Variants in PTPRT observed in about 807,000 individuals in gnomAD.
The protein encoded by PTPRT is receptor-type tyrosine-protein phosphatase T.
A neutral mutation model predicts 176.8 loss-of-function variants in PTPRT; 56 were observed. The observed-to-expected ratio is 0.32, with a 90% CI of 0.26 to 0.40. The LOEUF is 0.40. PTPRT is among the 10% of genes least tolerant of loss of function. The pLI is 1.00. For synonymous variants in PTPRT, 783 were observed against 739.0 expected (o/e 1.06, Z -0.96); for missense variants, 1,540 against 1,908.2 (o/e 0.81, Z 3.60).
rs751305260 is a variant in PTPRT, at chr20:42,305,594, T to C, written c.2139+10129A>G. 3.3e-5 allele frequency among the ~76,000 whole-genome samples: 5 copies of C among 151,832 alleles called. No homozygotes were observed. In the South Asian group the frequency reaches 1.0e-3, roughly 31 times the overall value. ...CCAATAACTGAATTGAGTATCAGTT[T>C]TAACATGTGTGTGCACGTGTGTGTG... is the stretch of plus-strand genomic sequence containing the variant. On this transcript the variant is annotated intron_variant, in intron 12 of 30. Transcript: ENST00000373187.
At chr20:42,683,820 C>A (rs1263911933) in intron 6 of PTPRT, among the ~76,000 whole-genome samples, 1 of 152,158 alleles carries the variant, frequency 6.6e-6, no homozygotes, top group Non-Finnish European at 1.5e-5. Flanking sequence ...TGTGACTCTA[C>A]TCAATCTTCA....
At chr20:42,118,294 G>C in intron 21 of PTPRT, 109 bp downstream of exon 21, 1 of 876,968 alleles carries the variant, frequency 1.1e-6, no homozygotes. Flanking sequence ...AGGTTGCCGT[G>C]AGGGTGAAAT....
intron 1 of PTPRT, among the ~76,000 whole-genome samples, chr20:42,937,710 A>G (rs1330102325): frequency 1.3e-5 from 2 of 152,222 alleles, no homozygotes; most frequent in African/African-American, 4.8e-5. Context: ...AAAATCTGAG[A>G]CATACTCTGT....
chr20:42,860,340 T>C (rs978021097), intron 2 of PTPRT, among the ~76,000 whole-genome samples: 6 of 152,250 alleles, frequency 3.9e-5, no homozygotes, highest in African/African-American at 1.4e-4. Context: ...TTCTAAAACT[T>C]GGAAGTAGAA....
chr20:42,571,968 T>C (rs369346431), intron 7 of PTPRT, among the ~76,000 whole-genome samples: 1 of 152,200 alleles, frequency 6.6e-6, no homozygotes, highest in East Asian at 1.9e-4. Flanking sequence ...CTGTATTCGT[T>C]TGAGCTGTTA....
chr20:42,792,518 A>C (rs1400151464), intron 2 of PTPRT, among the ~76,000 whole-genome samples: 1 of 152,326 alleles, frequency 6.6e-6, no homozygotes, highest in Non-Finnish European at 1.5e-5. Context: ...TAGACAAATT[A>C]AAGAGATGAT....
chr20:42,293,613 A>C (rs563946947), intron 12 of PTPRT, among the ~76,000 whole-genome samples: 1 of 151,958 alleles, frequency 6.6e-6, no homozygotes, highest in Non-Finnish European at 1.5e-5. Flanking sequence ...TGTTCTCATG[A>C]CTCCCAAAGT....
intron 7 of PTPRT, among the ~76,000 whole-genome samples, chr20:42,538,690 A>G (rs999223373): frequency 6.6e-6 from 1 of 152,148 alleles, no homozygotes; most frequent in African/African-American, 2.4e-5. Flanking sequence ...GCTCTCATAC[A>G]TTCCTCTTAT....
At chr20:43,082,882 G>C (rs1361666417) in intron 1 of PTPRT, among the ~76,000 whole-genome samples, 4 of 152,110 alleles carry the variant, frequency 2.6e-5, no homozygotes, top group African/African-American at 9.7e-5. Flanking sequence ...TGGACAATGA[G>C]ATGCCAGACC....
the PTPRT span, among the ~76,000 whole-genome samples, chr20:42,066,196 T>TGA: frequency 7.0e-6 from 1 of 143,126 alleles, no homozygotes. Context: ...CGTGCCACCA[T>TGA]GACGGCTGAT....
intron 2 of PTPRT, among the ~76,000 whole-genome samples, chr20:42,838,808 T>C (rs1330382115): frequency 6.6e-6 from 1 of 152,172 alleles, no homozygotes; most frequent in African/African-American, 2.4e-5. Flanking sequence ...ATGTCTAGTG[T>C]AGTGGCCATC....
At chr20:42,148,474 C>G (rs1988978364) in intron 17 of PTPRT, among the ~76,000 whole-genome samples, 1 of 152,152 alleles carries the variant, frequency 6.6e-6, no homozygotes, top group African/African-American at 2.4e-5. Flanking sequence ...TCCCCACTCC[C>G]TCCCTCACTC....
chr20:42,913,120 C>T (rs1207698706), intron 1 of PTPRT, among the ~76,000 whole-genome samples: 1 of 152,160 alleles, frequency 6.6e-6, no homozygotes, highest in African/African-American at 2.4e-5. Flanking sequence ...TGTATGGATA[C>T]AAAGTGCTTA....
chr20:42,975,104 A>G (rs976529738), intron 1 of PTPRT, among the ~76,000 whole-genome samples: 2 of 152,226 alleles, frequency 1.3e-5, no homozygotes, highest in African/African-American at 4.8e-5. Context: ...AATATCTGAT[A>G]TAGACACAAA....
intron 13 of PTPRT, among the ~76,000 whole-genome samples, chr20:42,255,149 T>C (rs1029417349): frequency 9.9e-5 from 15 of 152,190 alleles, no homozygotes; most frequent in Non-Finnish European, 2.1e-4. Flanking sequence ...CGAGATGCTA[T>C]GGTTTTATGA....
intron 7 of PTPRT, among the ~76,000 whole-genome samples, chr20:42,509,713 C>G (rs902079565): frequency 6.6e-6 from 1 of 151,868 alleles, no homozygotes; most frequent in African/African-American, 2.4e-5. Context: ...TTGTTGAAGG[C>G]AAATCACTCT....
chr20:42,183,887 G>T (rs904567904), intron 16 of PTPRT, among the ~76,000 whole-genome samples: 3 of 152,144 alleles, frequency 2.0e-5, no homozygotes, highest in Non-Finnish European at 4.4e-5. Flanking sequence ...TGCTCTGGGG[G>T]AAGACAGCTA....
intron 7 of PTPRT, among the ~76,000 whole-genome samples, chr20:42,474,836 T>C (rs1224714416): frequency 6.6e-6 from 1 of 152,048 alleles, no homozygotes; most frequent in East Asian, 1.9e-4. Flanking sequence ...GCCAGAACTC[T>C]CCTGGCAGAG....
At chr20:42,959,765 C>A (rs2146037271) in intron 1 of PTPRT, among the ~76,000 whole-genome samples, 1 of 152,306 alleles carries the variant, frequency 6.6e-6, no homozygotes, top group East Asian at 1.9e-4. Context: ...CATGCACAAG[C>A]CATTCCTTGG....
Sources: gnomAD v4.1 joint callset for allele counts (sites outside exome capture counted in the v4.1 genomes callset) on GRCh38, gnomAD v4.1.1 for gene constraint, MANE v1.5 for transcripts, NCBI Gene and HGNC (gene_info 2026-07-23, HGNC 2026-07-21) for gene names.